The following GCNA variants were observed in gnomAD, a reference collection of about 807,000 sequenced individuals.
The protein encoded by GCNA is germ cell nuclear acidic peptidase.
Under a neutral mutation model 38.8 loss-of-function variants are expected in GCNA, and 3 were observed. That is an observed-to-expected ratio of 0.08 (90% CI 0.04 to 0.20). The LOEUF (loss-of-function observed/expected upper bound fraction) is 0.20, where lower values mean the gene tolerates loss of function less well. Among genes scored for constraint, GCNA ranks in the 10% least tolerant of loss-of-function variants. The pLI is 1.00. For synonymous variants in GCNA, 195 were observed against 240.2 expected (o/e 0.81, Z 1.74); for missense variants, 446 against 578.6 (o/e 0.77, Z 2.35).
In GCNA at chrX:71,596,504, C is replaced by G. The variant is rs997751711; in HGVS notation, c.222-1446C>G. ...TCTATCATGGCTCCTAAGAAGTATTCCAGTGTATAATATTATACATAATGA... is the reference window on the plus strand; with the variant it reads ...TCTATCATGGCTCCTAAGAAGTATTGCAGTGTATAATATTATACATAATGA... On this transcript the variant is annotated intron_variant, in intron 6 of 12. Coordinates refer to ENST00000373696, the MANE Select transcript of GCNA (RefSeq NM_052957.5). Among the ~76,000 whole-genome samples the G allele has an allele frequency of 2.7e-5, 3 of 111,429 alleles. 1 individual carries two copies. The South Asian group carries it at 1.1e-3, about 42-fold the overall frequency.
At chrX:71,586,761 C>T (rs1396740541) in intron 2 of GCNA, among the ~76,000 whole-genome samples, 2 of 111,165 alleles carry the variant, frequency 1.8e-5, no homozygotes, top group African/African-American at 6.5e-5. Context: ...AGGCACCTGC[C>T]ACCACACCTG....
chrX:71,597,373 C>A (rs2040678966), intron 6 of GCNA, among the ~76,000 whole-genome samples: 1 of 111,322 alleles, frequency 9.0e-6, no homozygotes, highest in African/African-American at 3.3e-5. Flanking sequence ...AACTTCTGAG[C>A]CAAATACCAG....
chrX:71,603,506 TA>T, intron 7 of GCNA, 81 bp from the exon 8 acceptor site: 1 of 1,133,156 alleles, frequency 8.8e-7, no homozygotes, highest in South Asian at 2.2e-5. Flanking sequence ...TAATTTGTGC[TA>T]AATAATCTGC....
In GCNA at chrX:71,612,446, G is replaced by A; in HGVS notation, c.1842G>A (p.Lys614=). Residue 614 remains lysine, a synonymous_variant, in exon 12 of 13, where the codon AAG becomes AAA. Coordinates refer to ENST00000373696, the MANE Select transcript of GCNA (RefSeq NM_052957.5). ...ATGATTCTCATGGTGACGCATGGAA[G>A]TATTATGCCAGGAAATCCAACAGGA... The part of the protein sequence containing the change: ...GIHDSHGDAW[K]YYARKSNRIH... 1 of 1,209,138 alleles carries A rather than the reference G, an allele frequency of 8.3e-7. No individual in the cohort carries two copies. The highest frequency in any genetic ancestry group is 1.7e-5 in the African/African-American group (1 of 57,640).
At chrX:71,583,606 CT>C (rs1241773728) in intron 2 of GCNA, among the ~76,000 whole-genome samples, 1 of 110,464 alleles carries the variant, frequency 9.1e-6, no homozygotes, top group Non-Finnish European at 1.9e-5. Flanking sequence ...CATAGTAATG[CT>C]GCTGACATCA....
At chrX:71,580,509 C>T (rs1308779215) in intron 1 of GCNA, 3 of 167,558 alleles carry the variant, frequency 1.8e-5, no homozygotes, top group Non-Finnish European at 3.3e-5. Context: ...GAGTCTAGCT[C>T]TGTGGCCCAG....
intron 6 of GCNA, among the ~76,000 whole-genome samples, chrX:71,595,560 C>T (rs2040665052): frequency 8.9e-6 from 1 of 111,778 alleles, no homozygotes; most frequent in Admixed American, 9.6e-5. Flanking sequence ...ATATTTAACG[C>T]CTTCTGTGAT....
intron 9 of GCNA, 54 bp downstream of exon 9, chrX:71,605,783 TG>T: frequency 9.3e-7 from 1 of 1,074,458 alleles, no homozygotes; most frequent in Non-Finnish European, 1.3e-6. Context: ...GCCGTCACAC[TG>T]GGCAGTCCAC....
intron 11 of GCNA, among the ~76,000 whole-genome samples, chrX:71,612,125 A>AG (rs1214623116): frequency 9.3e-6 from 1 of 107,372 alleles, no homozygotes; most frequent in Non-Finnish European, 1.9e-5. Context: ...AAAAAAAAAA[A>AG]AAATCAGCCA....
At position 71,612,976 on chromosome X, in the gene GCNA, C is replaced by T. The variant is rs751146556; in HGVS notation, c.2070C>T (p.His690=). The change falls in exon 13 of 13, where the codon CAC becomes CAT. Residue 690 remains histidine (H), a synonymous_variant. Coordinates refer to ENST00000373696, the MANE Select transcript of GCNA (RefSeq NM_052957.5). ...AAGATGGGACCCGTATTGTGCCCCA[C>T]GTGTGACCATTTGCTGTGTATGTGC... is the stretch of plus-strand genomic sequence containing the variant. ...TQKDGTRIVP[H]V is the part of the protein sequence containing the mutation. 78 of 1,209,729 alleles carry T rather than the reference C, an allele frequency of 6.4e-5. No homozygotes were observed. The South Asian group carries it at 1.1e-3, about 17-fold the overall frequency.
At chrX:71,605,560 G>C (rs1426950874) in intron 8 of GCNA, 103 bp from the exon 9 acceptor site, 2 of 612,855 alleles carry the variant, frequency 3.3e-6, no homozygotes, top group Non-Finnish European at 5.1e-6. Context: ...AGTTGCACTG[G>C]GCTTGGCTGT....
chrX:71,583,147 A>T (rs962203433), intron 2 of GCNA, among the ~76,000 whole-genome samples: 2 of 112,584 alleles, frequency 1.8e-5, no homozygotes, highest in African/African-American at 6.5e-5. Flanking sequence ...AAATAAAAAA[A>T]GAAAATGGTG....
At chrX:71,595,145 C>G (rs1267424618) in intron 6 of GCNA, among the ~76,000 whole-genome samples, 2 of 111,690 alleles carry the variant, frequency 1.8e-5, no homozygotes, top group African/African-American at 6.5e-5. Context: ...CGACCAGGTT[C>G]GAGTGCAGTG....
intron 7 of GCNA, 104 bp downstream of exon 7, chrX:71,598,142 C>T: frequency 5.3e-6 from 3 of 561,701 alleles, no homozygotes; most frequent in East Asian, 3.8e-5. Context: ...CAGAATCCCT[C>T]AGTAGTGAGT....
At chrX:71,599,485 T>A (rs1214867853) in intron 7 of GCNA, among the ~76,000 whole-genome samples, 1 of 111,411 alleles carries the variant, frequency 9.0e-6, no homozygotes, top group Non-Finnish European at 1.9e-5. Flanking sequence ...ACCAGGTGCT[T>A]TACTCCTTAA....
chrX:71,610,112 A>G (rs991478971), intron 10 of GCNA, among the ~76,000 whole-genome samples: 7 of 110,731 alleles, frequency 6.3e-5, no homozygotes, highest in East Asian at 2.8e-4. Flanking sequence ...TGTTCTATCA[A>G]TCTCCCTTGT....
chrX:71,608,416 G>C (rs1245276926), intron 9 of GCNA, among the ~76,000 whole-genome samples: 1 of 111,281 alleles, frequency 9.0e-6, no homozygotes, highest in Admixed American at 9.5e-5. Context: ...GGGACTACAG[G>C]CGCCCACCAT....
rs2040705995 is a variant in GCNA at position 71,600,655 on chromosome X, C to A, written c.310+2617C>A. On this transcript the variant is annotated intron_variant, in intron 7 of 12. Coordinates refer to ENST00000373696, the MANE Select transcript of GCNA (RefSeq NM_052957.5). The stretch of plus-strand genomic sequence containing the variant: ...AAATAAAAAATAGGGGAAAAACAAT[C>A]TAAAGTAACTTTCTTTTTTAAAAAA... Among the ~76,000 whole-genome samples the A allele has an allele frequency of 2.7e-5, 3 of 111,656 alleles. 1 individual carries two copies. The Admixed American group carries it at 2.8e-4, about 11-fold the overall frequency.
At chrX:71,591,798 C>G (rs184602069) in intron 2 of GCNA, among the ~76,000 whole-genome samples, 54 of 112,139 alleles carry the variant, frequency 4.8e-4, no homozygotes, top group African/African-American at 1.6e-3. Flanking sequence ...AGCCTCCATG[C>G]CTGGTGTTGC....
Sources: gnomAD v4.1 joint callset for allele counts (sites outside exome capture counted in the v4.1 genomes callset) on GRCh38, gnomAD v4.1.1 for gene constraint, MANE v1.5 for transcripts, NCBI Gene and HGNC (gene_info 2026-07-23, HGNC 2026-07-21) for gene names.